FHAD1: variants seen among roughly 807,000 people sequenced by gnomAD.
FHAD1 encodes forkhead associated phosphopeptide binding domain 1.
In FHAD1, 146 loss-of-function variants were observed where a neutral mutation model predicts 191.3. That is an observed-to-expected ratio of 0.76 (90% confidence interval 0.67 to 0.88). The LOEUF (loss-of-function observed/expected upper bound fraction) is 0.88. Among genes scored for constraint, FHAD1 ranks in the 40% least tolerant of loss-of-function variants. The pLI, the probability that FHAD1 is intolerant of heterozygous loss-of-function variation, is 0.00. For synonymous variants in FHAD1, 616 were observed against 672.3 expected, an observed-to-expected ratio of 0.92 and a Z score of 1.29; for missense variants, 1,635 against 1,785.8, an observed-to-expected ratio of 0.92 and a Z score of 1.52.
At position 15,289,407 on chromosome 1, in the gene FHAD1, C is replaced by G. The variant is rs1361374751; in HGVS notation, c.309C>G (p.Phe103Leu). The G allele has an allele frequency of 6.4e-7, 1 of 1,551,648 alleles. No individual in the cohort carries two copies. Among genetic ancestry groups the G allele is most frequent in the Admixed American group, 2.0e-5 (1 of 51,008 alleles). ...LVIENPPPVS[F>L]PWMRGPAPWP... Reference sequence around the variant, plus strand: ...CTTGTCTGCCCCTGCAGGTCTCTTTCCCATGGATGAGGGGCCCAGCACCAT... The same window carrying G: ...CTTGTCTGCCCCTGCAGGTCTCTTTGCCATGGATGAGGGGCCCAGCACCAT... The change falls in exon 4 of 34, where the codon TTC becomes TTG. Residue 103 changes from phenylalanine to leucine, a missense_variant. Physicochemically the swap from Phe to Leu is conservative, Grantham distance 22. Transcript: ENST00000688493. This position sits in a 1 kb window ranked among gnomAD's most constrained non-coding sequence, Gnocchi z 4.2.
At chr1:15,383,020 A>G (rs79540080) in intron 31 of FHAD1, 29,266 of 460,680 alleles carry the variant, frequency 0.064, 3,238 homozygotes, top group African/African-American at 0.34. Flanking sequence ...ACACACGCGC[A>G]CGCGCACACA....
chr1:15,368,332 C>T (rs1235990172), intron 25 of FHAD1, among the ~76,000 whole-genome samples: 1 of 152,132 alleles, frequency 6.6e-6, no homozygotes, highest in Admixed American at 6.5e-5. Flanking sequence ...AGACCTTGCC[C>T]ACTATTGATT....
intron 2 of FHAD1, among the ~76,000 whole-genome samples, chr1:15,256,450 C>A (rs1043168634): frequency 6.6e-6 from 1 of 151,864 alleles, no homozygotes; most frequent in Non-Finnish European, 1.5e-5. Context: ...GTCAGGAGTT[C>A]GAGACCAGCC....
At chr1:15,341,059 G>A (rs1475637255) in intron 15 of FHAD1, among the ~76,000 whole-genome samples, 2 of 152,162 alleles carry the variant, frequency 1.3e-5, no homozygotes, top group Middle Eastern at 3.2e-3. Context: ...GTGGGCACCT[G>A]TAATCTCAGC....
At chr1:15,380,583 G>C (rs1033701517) in intron 28 of FHAD1, 118 bp from the exon 29 acceptor site, 1 of 757,376 alleles carries the variant, frequency 1.3e-6, no homozygotes, top group East Asian at 2.7e-5. Flanking sequence ...ATCAGGACGC[G>C]GACTGAAAAT....
intron 1 of FHAD1, among the ~76,000 whole-genome samples, chr1:15,239,063 A>G (rs78216272): frequency 0.01 from 1,572 of 152,270 alleles, 15 homozygotes; most frequent in Middle Eastern, 0.017. Flanking sequence ...GTGTGCCACC[A>G]TATCCAGCTA....
chr1:15,298,147 G>A (rs867277577), intron 5 of FHAD1, among the ~76,000 whole-genome samples: 15 of 152,248 alleles, frequency 9.9e-5, no homozygotes, highest in African/African-American at 2.6e-4. Context: ...ATCAATCAAC[G>A]AGTGGATAAA....
rs556934304 is a variant in FHAD1 at position 15,358,080 on chromosome 1, T to C, written c.2563-30T>C. ...GGGTAAATATGTATTCCTGAATGTC[T>C]GTTATTTTGCTACTTGTTTTTTTGT... On this transcript the variant is annotated intron_variant, in intron 20 of 33. Transcript: ENST00000688493. 1.6e-5 allele frequency: 23 copies of C among 1,459,650 alleles called. 1 individual carries two copies. In the African/African-American group the frequency reaches 3.0e-4, roughly 19 times the overall value. 90.4% of individuals were successfully genotyped at this position (1,459,650 alleles called of 1,614,324 possible).
Position 15,341,838 on chromosome 1 carries a change from C to T in FHAD1, c.2080C>T (p.Gln694Ter), listed in dbSNP as rs745512439. 122 of 1,551,572 alleles carry T rather than the reference C, an allele frequency of 7.9e-5. 2 individuals are homozygous for T. The South Asian group carries it at 1.2e-3, about 16-fold the overall frequency. The change falls in exon 16 of 34, where the codon CAA (glutamine) becomes TAA (stop). Residue 694 changes from glutamine to a stop codon, truncating the protein, a stop_gained. Transcript: ENST00000688493. LOFTEE classifies it high-confidence loss of function. ...KEKLNEERLE[Q>*]EEKLKAKIRQ... is the part of the protein sequence containing the mutation. ...GAAGCTGAACGAGGAGAGGCTAGAG[C>T]AAGAGGAGAAGCTCAAAGCCAAAAT...
At chr1:15,268,487 T>C (rs1557958669) in intron 2 of FHAD1, among the ~76,000 whole-genome samples, 1 of 123,552 alleles carries the variant, frequency 8.1e-6, no homozygotes. Context: ...GCAGCGCGAT[T>C]TATAGTCCTT....
Position 15,263,730 on chromosome 1 carries a change from C to G in FHAD1, c.94-8593C>G, listed in dbSNP as rs1039268409. On this transcript the variant is annotated intron_variant, in intron 2 of 33. Coordinates refer to ENST00000688493, the MANE Select transcript of FHAD1 (RefSeq NM_001391957.1). ...TAGAGGCGGGGTTTCATTGTGTTAG[C>G]CCAGATGGTCTTGATCTCCTGACCT... Among the ~76,000 whole-genome samples the G allele has an allele frequency of 4.6e-5, 7 of 151,856 alleles. No individual in the cohort carries two copies. The South Asian group carries it at 1.5e-3, about 32-fold the overall frequency.
Position 15,329,703 on chromosome 1 carries a change from T to TG in FHAD1, c.1906+162_1906+163insG. The stretch of plus-strand genomic sequence containing the variant: ...TCTCTGCTTGAGGCGTAATTTTCCA[T>TG]TAAAAAAAAAAACACACACATACAA... On this transcript the variant is annotated intron_variant, in intron 14 of 33. Coordinates refer to ENST00000688493, the MANE Select transcript of FHAD1 (RefSeq NM_001391957.1). The surrounding 1 kb of genome is among the most constrained non-coding windows in gnomAD (Gnocchi z 5.0). 1 of 545,668 alleles carries TG rather than the reference T, an allele frequency of 1.8e-6. No individual in the cohort carries two copies. Among genetic ancestry groups the TG allele is most frequent in the Non-Finnish European group, 3.1e-6 (1 of 317,478 alleles). 33.8% of individuals were successfully genotyped at this position (545,668 alleles called of 1,614,324 possible).
chr1:15,314,667 G>GAT (rs1673543619), intron 8 of FHAD1: 1 of 64 alleles, frequency 0.016, no homozygotes, highest in Non-Finnish European at 0.022. Context: ...GTGTGGTGTG[G>GAT]GGGTGAATGG....
rs1678989676 is a variant in FHAD1 at position 15,327,048 on chromosome 1, C to T, written c.1474-11C>T. On this transcript the variant is annotated splice_polypyrimidine_tract_variant and intron_variant, in intron 11 of 33. Transcript: ENST00000688493. This position sits in a 1 kb window ranked among gnomAD's most constrained non-coding sequence, Gnocchi z 5.1. ...TGACCCCCTGACACTGTTGCCCCCT[C>T]TCTGCTGCAGCTGGAGCACTTCAGA... 6.5e-7 allele frequency: 1 copy of T among 1,547,068 alleles called. No homozygotes were observed. The highest frequency in any genetic ancestry group is 2.0e-5 in the Admixed American group (1 of 50,934).
chr1:15,373,132 G>A (rs1698592688), intron 26 of FHAD1, among the ~76,000 whole-genome samples: 1 of 152,170 alleles, frequency 6.6e-6, no homozygotes, highest in Non-Finnish European at 1.5e-5. Context: ...GACGTTGTAT[G>A]CAAATATTTG....
chr1:15,241,244 T>C (rs937378632), intron 1 of FHAD1, among the ~76,000 whole-genome samples: 4 of 152,194 alleles, frequency 2.6e-5, no homozygotes, highest in Non-Finnish European at 4.4e-5. Context: ...CCACAGCTAC[T>C]TGAAGAGACA....
At position 15,289,522 on chromosome 1, in the gene FHAD1, G is replaced by A. The variant is rs543339451; in HGVS notation, c.424G>A (p.Ala142Thr). 6.4e-7 allele frequency: 1 copy of A among 1,551,888 alleles called. No individual in the cohort carries two copies. Among genetic ancestry groups the A allele is most frequent in the Admixed American group, 2.0e-5 (1 of 51,012 alleles). The change falls in exon 4 of 34, where the codon GCA (alanine) becomes ACA (threonine). Residue 142 changes from alanine to threonine, a missense_variant. Ala to Thr is a moderately conservative substitution (Grantham distance 58). Coordinates refer to ENST00000688493, the MANE Select transcript of FHAD1 (RefSeq NM_001391957.1). The surrounding 1 kb of genome is among the most constrained non-coding windows in gnomAD (Gnocchi z 4.2). Reference protein sequence around the residue: ...HIPFHQGVQPAPMQRSWSQAF... With the variant: ...HIPFHQGVQPTPMQRSWSQAF... Reference sequence around the variant, plus strand: ...CCCCTTCCACCAAGGTGTCCAGCCAGCACCGATGCAAAGGAGCTGGTCCCA... The same window carrying A: ...CCCCTTCCACCAAGGTGTCCAGCCAACACCGATGCAAAGGAGCTGGTCCCA...
chr1:15,307,451 C>T (rs888001507), intron 6 of FHAD1, among the ~76,000 whole-genome samples: 2 of 152,078 alleles, frequency 1.3e-5, no homozygotes, highest in Non-Finnish European at 2.9e-5. Context: ...TTGGAGGGGC[C>T]AGGGGCAGAA....
upstream of FHAD1, among the ~76,000 whole-genome samples, chr1:15,246,100 G>A (rs187477701): frequency 2.0e-4 from 30 of 152,374 alleles, no homozygotes; most frequent in African/African-American, 7.0e-4. Flanking sequence ...GGAAGGCCAA[G>A]GGGAAGCAAG....
Sources: gnomAD v4.1 joint callset for allele counts (sites outside exome capture counted in the v4.1 genomes callset) on GRCh38, gnomAD v4.1.1 for gene constraint, Gnocchi (gnomAD v3.1) non-coding constraint, MANE v1.5 for transcripts, NCBI Gene and HGNC (gene_info 2026-07-23, HGNC 2026-07-21) for gene names.